CMC1: variants seen among roughly 807,000 people sequenced by gnomAD.
CMC1 encodes the protein COX assembly mitochondrial protein homolog.
In CMC1, 14 loss-of-function variants were observed where a neutral mutation model predicts 14.1. That is an observed-to-expected ratio of 0.99 (90% CI 0.66 to 1.55). CMC1 has a LOEUF of 1.55. Among genes scored for constraint, CMC1 ranks in the 40% most tolerant of loss-of-function variants. The pLI is 0.00. For missense variants in CMC1, 127 were observed against 123.8 expected, an observed-to-expected ratio of 1.03 and a Z score of -0.12; for synonymous variants, 50 against 38.4, an observed-to-expected ratio of 1.30 and a Z score of -1.12.
chr3:28,311,221 G>C (rs1352489019), intron 2 of CMC1, among the ~76,000 whole-genome samples: 1 of 151,410 alleles, frequency 6.6e-6, no homozygotes, highest in Non-Finnish European at 1.5e-5. Flanking sequence ...AAGATTTACT[G>C]GTGCACTTTT....
intron 1 of CMC1, among the ~76,000 whole-genome samples, chr3:28,249,056 C>T (rs1698993383): frequency 6.6e-6 from 1 of 152,214 alleles, no homozygotes; most frequent in Non-Finnish European, 1.5e-5. Context: ...TCCCAAAGTG[C>T]TGGGATTACA....
At chr3:28,283,559 A>C (rs1577043280) in intron 2 of CMC1, among the ~76,000 whole-genome samples, 1 of 151,292 alleles carries the variant, frequency 6.6e-6, no homozygotes, top group East Asian at 1.9e-4. Flanking sequence ...AACAAAAAAA[A>C]AAAAAAAAGA....
Position 28,311,121 on chromosome 3 carries a change from G to C in CMC1, c.110-5212G>C, listed in dbSNP as rs11924040. ...TTCTGGACATTATATTTTTCCATTT[G>C]AACTAATGGTTTTATGGATCTTTAG... On this transcript the variant is annotated intron_variant, in intron 2 of 3. Transcript: ENST00000466830. 3.7e-3 allele frequency among the ~76,000 whole-genome samples: 568 copies of C among 152,034 alleles called. 4 individuals are homozygous for C. Among genetic ancestry groups the C allele is most frequent in the African/African-American group, 0.012 (518 of 41,476 alleles).
At chr3:28,284,698 A>G (rs1488275040) in intron 2 of CMC1, among the ~76,000 whole-genome samples, 3 of 151,868 alleles carry the variant, frequency 2.0e-5, no homozygotes, top group Non-Finnish European at 4.4e-5. Context: ...TATATAAGCC[A>G]TAAGTTTTTG....
At chr3:28,243,839 CAT>C (rs1240045447) in intron 1 of CMC1, among the ~76,000 whole-genome samples, 2 of 152,140 alleles carry the variant, frequency 1.3e-5, no homozygotes, top group African/African-American at 4.8e-5. Flanking sequence ...GGCACACACA[CAT>C]ACACACACAC....
chr3:28,293,804 A>T (rs1272675867), intron 2 of CMC1, among the ~76,000 whole-genome samples: 1 of 151,266 alleles, frequency 6.6e-6, no homozygotes, highest in East Asian at 2.0e-4. Flanking sequence ...CTGGTCTCAG[A>T]CTCCTGAGCT....
intron 1 of CMC1, among the ~76,000 whole-genome samples, chr3:28,249,151 C>T (rs943754613): frequency 1.3e-5 from 2 of 152,152 alleles, no homozygotes; most frequent in Non-Finnish European, 2.9e-5. Context: ...TGGTGTTTAC[C>T]ATCCTGCATT....
rs765087629 is a variant in CMC1 at position 28,323,766 on chromosome 3, T to G, written c.*4137T>G. The G allele has an allele frequency of 2.4e-5, 6 of 247,078 alleles. No homozygotes were observed. The highest frequency in any genetic ancestry group is 1.6e-4 in the South Asian group (1 of 6,282). 15.3% of individuals were successfully genotyped at this position (247,078 alleles called of 1,614,324 possible). ...GAGAGGCAAAATTTTACAATTAATA[T>G]AGAAGGCAGAGTTTTTTAAACACCT... On this transcript the variant is annotated 3_prime_UTR_variant, in exon 4 of 4. Transcript: ENST00000466830.
chr3:28,250,931 A>T (rs1178439145), intron 1 of CMC1, among the ~76,000 whole-genome samples: 2 of 152,064 alleles, frequency 1.3e-5, no homozygotes, highest in African/African-American at 4.8e-5. Flanking sequence ...TCTTCAGTAC[A>T]CTCGTCTTAA....
intron 2 of CMC1, among the ~76,000 whole-genome samples, chr3:28,310,898 A>G (rs1009003241): frequency 4.6e-5 from 7 of 152,096 alleles, no homozygotes; most frequent in African/African-American, 9.7e-5. Flanking sequence ...CGCATGCACA[A>G]TTCTTCACAA....
intron 2 of CMC1, among the ~76,000 whole-genome samples, chr3:28,268,592 GC>G (rs1294392769): frequency 6.6e-6 from 1 of 152,170 alleles, no homozygotes; most frequent in African/African-American, 2.4e-5. Context: ...GGCACAGTGA[GC>G]CACTCTTATC....
intron 2 of CMC1, among the ~76,000 whole-genome samples, chr3:28,301,247 C>T (rs1702031141): frequency 6.6e-6 from 1 of 152,052 alleles, no homozygotes; most frequent in African/African-American, 2.4e-5. Context: ...GGAGACAAGG[C>T]CATGCTCTGT....
At position 28,324,388 on chromosome 3, in the gene CMC1, A is replaced by C. The variant is rs754717597; in HGVS notation, c.*4759A>C. The C allele has an allele frequency of 9.3e-5, 145 of 1,559,936 alleles. No individual in the cohort carries two copies. Among genetic ancestry groups the C allele is most frequent in the Non-Finnish European group, 1.2e-4 (141 of 1,152,710 alleles). On this transcript the variant is annotated 3_prime_UTR_variant, in exon 4 of 4. Coordinates refer to ENST00000466830, the MANE Select transcript of CMC1 (RefSeq NM_182523.2). ...GGGATGTCTTGTGTATGTTGCAGTA[A>C]AATTCATCAAGTGCAGTTTTGTGCT...
rs188354149 is a variant in CMC1 at position 28,321,935 on chromosome 3, C to T, written c.*2306C>T. ...CTTATAAAAAGAAATCTAAAGATTCCAAAGGAAGCTCTTTAGAGCAAGTTT... is the reference window on the plus strand; with the variant it reads ...CTTATAAAAAGAAATCTAAAGATTCTAAAGGAAGCTCTTTAGAGCAAGTTT... On this transcript the variant is annotated 3_prime_UTR_variant, in exon 4 of 4. Coordinates refer to ENST00000466830, the MANE Select transcript of CMC1 (RefSeq NM_182523.2). 6.6e-5 allele frequency: 10 copies of T among 151,050 alleles called. No homozygotes were observed. Among genetic ancestry groups the T allele is most frequent in the African/African-American group, 2.2e-4 (9 of 41,238 alleles). 9.4% of individuals were successfully genotyped at this position (151,050 alleles called of 1,614,324 possible).
At chr3:28,287,688 A>G (rs556913861) in intron 2 of CMC1, among the ~76,000 whole-genome samples, 2 of 151,712 alleles carry the variant, frequency 1.3e-5, no homozygotes, top group African/African-American at 4.8e-5. Context: ...CTTTTAATAT[A>G]TATTGGTTTT....
chr3:28,291,020 C>T lies in CMC1; in HGVS notation c.110-25313C>T, dbSNP rs1015491586. Among the ~76,000 whole-genome samples, 3 of 152,058 alleles carry T rather than the reference C, an allele frequency of 2.0e-5. No individual in the cohort carries two copies. The South Asian group carries it at 6.2e-4, about 32-fold the overall frequency. ...CTCATGGTTGTTGGCAGCATTCAGT[C>T]TTCTGTAGGATGCTGGGTTGATAGC... On this transcript the variant is annotated intron_variant, in intron 2 of 3. Transcript: ENST00000466830.
At chr3:28,263,552 T>G (rs1699841835) in intron 2 of CMC1, among the ~76,000 whole-genome samples, 172 bp downstream of exon 2, 1 of 152,172 alleles carries the variant, frequency 6.6e-6, no homozygotes, top group Non-Finnish European at 1.5e-5. Flanking sequence ...GATGTTCAAT[T>G]CATTTACAGT....
At position 28,263,322 on chromosome 3, in the gene CMC1, T is replaced by G; in HGVS notation, c.51T>G (p.Val17=). The G allele has an allele frequency of 6.2e-7, 1 of 1,609,208 alleles. No homozygotes were observed. Among genetic ancestry groups the G allele is most frequent in the Non-Finnish European group, 8.5e-7 (1 of 1,178,142 alleles). The change falls in exon 2 of 4, where the codon GTT becomes GTG. Residue 17 remains valine (V), a synonymous_variant. Transcript: ENST00000466830. ...ATCTCAGACATGTCGAAAAAGATGTTTTGATCCCTAAAATAATGAGAGAAA... is the reference window on the plus strand; with the variant it reads ...ATCTCAGACATGTCGAAAAAGATGTGTTGATCCCTAAAATAATGAGAGAAA... The part of the protein sequence containing the change: ...DQHLRHVEKD[V]LIPKIMREKA...
At chr3:28,265,616 A>AT (rs200304368) in intron 2 of CMC1, among the ~76,000 whole-genome samples, 29 of 149,780 alleles carry the variant, frequency 1.9e-4, no homozygotes, top group South Asian at 1.1e-3. Context: ...TTTCCGTTAG[A>AT]TTTTTTTTTT....
Sources: allele counts gnomAD v4.1 joint callset (sites outside exome capture counted in the v4.1 genomes callset), GRCh38; gene constraint gnomAD v4.1.1; transcripts MANE v1.5; gene names NCBI Gene and HGNC (gene_info 2026-07-23, HGNC 2026-07-21).